The following PRKN variants were observed in gnomAD, a reference collection of about 807,000 sequenced individuals.
PRKN encodes E3 ubiquitin-protein ligase parkin.
In PRKN, 56 loss-of-function variants were observed where a neutral mutation model predicts 59.5. The observed-to-expected ratio is 0.94, with a 90% CI of 0.76 to 1.18. PRKN has a LOEUF of 1.18. PRKN is among the 50% of genes most tolerant of loss of function. The pLI, the probability that PRKN is intolerant of heterozygous loss-of-function variation, is 0.00. For missense variants in PRKN, 657 were observed against 596.4 expected (o/e 1.10, Z -1.06); for synonymous variants, 250 against 222.1 (o/e 1.13, Z -1.12).
At chr6:161,936,116 T>C (rs1204114604) in intron 6 of PRKN, among the ~76,000 whole-genome samples, 1 of 151,810 alleles carries the variant, frequency 6.6e-6, no homozygotes, top group Admixed American at 6.6e-5. Context: ...AGTACAATCC[T>C]GAAGACAAAG....
intron 4 of PRKN, among the ~76,000 whole-genome samples, chr6:162,129,002 A>C (rs976916722): frequency 1.3e-5 from 2 of 152,190 alleles, no homozygotes; most frequent in Admixed American, 6.6e-5. Flanking sequence ...AATTCACTTA[A>C]ATGGTAAATG....
intron 2 of PRKN, among the ~76,000 whole-genome samples, chr6:162,427,634 GTAAA>G (rs2128161517): frequency 6.6e-6 from 1 of 151,474 alleles, no homozygotes; most frequent in African/African-American, 2.4e-5. Context: ...TTATAGGCTG[GTAAA>G]TAAATGTTTT....
intron 6 of PRKN, among the ~76,000 whole-genome samples, chr6:161,827,754 C>G (rs573503207): frequency 6.6e-6 from 1 of 152,130 alleles, no homozygotes; most frequent in Non-Finnish European, 1.5e-5. Context: ...GTGATCCACC[C>G]ACCTTGGCCT....
chr6:161,901,423 C>T (rs887371366), intron 6 of PRKN, among the ~76,000 whole-genome samples: 5 of 152,084 alleles, frequency 3.3e-5, no homozygotes, highest in African/African-American at 1.2e-4. Context: ...CTCCTTCACC[C>T]CTGTGCCTGG....
intron 2 of PRKN, among the ~76,000 whole-genome samples, chr6:162,324,751 T>C (rs1483669525): frequency 2.6e-5 from 4 of 152,130 alleles, no homozygotes; most frequent in African/African-American, 9.7e-5. Context: ...TGTGTATATG[T>C]GTACGTATCT....
intron 5 of PRKN, among the ~76,000 whole-genome samples, chr6:161,997,052 G>A (rs893499799): frequency 2.0e-5 from 3 of 151,980 alleles, no homozygotes; most frequent in South Asian, 2.1e-4. Context: ...TTGCGTTCTC[G>A]AATGACAATA....
chr6:162,054,859 T>C (rs1777793432), intron 4 of PRKN, among the ~76,000 whole-genome samples: 1 of 152,188 alleles, frequency 6.6e-6, no homozygotes, highest in Admixed American at 6.5e-5. Context: ...CATAACTTTT[T>C]GACTAAATTT....
chr6:161,803,128 G>A (rs1791160153), intron 6 of PRKN, among the ~76,000 whole-genome samples: 1 of 152,190 alleles, frequency 6.6e-6, no homozygotes, highest in Non-Finnish European at 1.5e-5. Context: ...GGGTATGTAT[G>A]CCTTATCTTC....
At chr6:161,693,825 T>G (rs1299021241) in intron 7 of PRKN, among the ~76,000 whole-genome samples, 1 of 152,206 alleles carries the variant, frequency 6.6e-6, no homozygotes, top group Non-Finnish European at 1.5e-5. Context: ...TTCAAATGGA[T>G]AAATATTAGT....
intron 2 of PRKN, among the ~76,000 whole-genome samples, chr6:162,421,601 C>T (rs1788970817): frequency 6.6e-6 from 1 of 152,140 alleles, no homozygotes; most frequent in South Asian, 2.1e-4. Context: ...TGTCTATTAA[C>T]TCAGGATGGC....
chr6:161,869,092 G>A (rs1794236183), intron 6 of PRKN, among the ~76,000 whole-genome samples: 1 of 152,086 alleles, frequency 6.6e-6, no homozygotes, highest in Admixed American at 6.6e-5. Flanking sequence ...AAAATTAAAG[G>A]GGATAGCTGG....
rs1305367483 is a variant in PRKN at position 161,463,651 on chromosome 6, T to C, written c.1084-76774A>G. Among the ~76,000 whole-genome samples the C allele has an allele frequency of 2.0e-5, 3 of 152,184 alleles. No individual in the cohort carries two copies. The highest frequency in any genetic ancestry group is 4.4e-5 in the Non-Finnish European group (3 of 68,036). ...TTACAGGTAAAGGCCAAAGTTTTGATTCAGCATGAATGAGAAATTCAATGT... is the reference window on the plus strand; with the variant it reads ...TTACAGGTAAAGGCCAAAGTTTTGACTCAGCATGAATGAGAAATTCAATGT... On this transcript the variant is annotated intron_variant, in intron 9 of 11. Coordinates refer to ENST00000366898, the MANE Select transcript of PRKN (RefSeq NM_004562.3). This position sits in a 1 kb window ranked among gnomAD's most constrained non-coding sequence, Gnocchi z 4.8.
intron 7 of PRKN, among the ~76,000 whole-genome samples, chr6:161,619,716 C>T (rs1782823913): frequency 6.6e-6 from 1 of 152,128 alleles, no homozygotes; most frequent in African/African-American, 2.4e-5. Context: ...ACTGTACCCT[C>T]CAATATGGTA....
chr6:161,789,399 G>A lies in PRKN; in HGVS notation c.735-3491C>T, dbSNP rs371827134. 2.0e-3 allele frequency among the ~76,000 whole-genome samples: 299 copies of A among 152,100 alleles called. 1 individual carries two copies. The highest frequency in any genetic ancestry group is 7.0e-3 in the African/African-American group (290 of 41,492). On this transcript the variant is annotated intron_variant, in intron 6 of 11. Transcript: ENST00000366898. The stretch of plus-strand genomic sequence containing the variant: ...TCCATCCTGTTCTCTCCGCACCTCC[G>A]TCCCCTCCAGCTGGGAAGGTCCTTG...
intron 6 of PRKN, among the ~76,000 whole-genome samples, chr6:161,846,359 G>T (rs963226360): frequency 6.6e-6 from 1 of 152,092 alleles, no homozygotes; most frequent in African/African-American, 2.4e-5. Flanking sequence ...CAGGTAATAG[G>T]CTATTTTACA....
intron 7 of PRKN, among the ~76,000 whole-genome samples, chr6:161,601,423 T>C (rs1782099463): frequency 6.6e-6 from 1 of 152,126 alleles, no homozygotes; most frequent in Non-Finnish European, 1.5e-5. Flanking sequence ...CTCATGATCT[T>C]GTAACTCCCC....
chr6:161,537,459 CT>C (rs1294799822), intron 9 of PRKN, among the ~76,000 whole-genome samples: 23 of 142,966 alleles, frequency 1.6e-4, no homozygotes, highest in African/African-American at 3.3e-4. Flanking sequence ...TTTCTTTTTT[CT>C]TTTTTTTTTG....
Position 162,569,009 on chromosome 6 carries a change from G to A in PRKN, c.8-125536C>T, listed in dbSNP as rs1270190525. ...GGCAGCTGTATGAAGAGGAGACCTTGGAGCTGCAGTCCCAGATCTCGGACA... is the reference window on the plus strand; with the variant it reads ...GGCAGCTGTATGAAGAGGAGACCTTAGAGCTGCAGTCCCAGATCTCGGACA... On this transcript the variant is annotated intron_variant, in intron 1 of 11. Coordinates refer to ENST00000366898, the MANE Select transcript of PRKN (RefSeq NM_004562.3). 5 of 690,140 alleles carry A rather than the reference G, an allele frequency of 7.2e-6. No individual in the cohort carries two copies. In the East Asian group the frequency reaches 1.0e-4, roughly 14 times the overall value. The allele number at this position is 690,140 out of a possible 1,614,324, so 42.8% of individuals were successfully genotyped here.
At chr6:161,939,243 C>T (rs1419670093) in intron 6 of PRKN, among the ~76,000 whole-genome samples, 4 of 151,216 alleles carry the variant, frequency 2.6e-5, no homozygotes, top group African/African-American at 9.7e-5. Flanking sequence ...CATGGTGAAA[C>T]CCTGTCTCTA....
Sources: allele counts gnomAD v4.1 joint callset (sites outside exome capture counted in the v4.1 genomes callset), GRCh38; gene constraint gnomAD v4.1.1; non-coding constraint Gnocchi (gnomAD v3.1); transcripts MANE v1.5; gene names NCBI Gene and HGNC (gene_info 2026-07-23, HGNC 2026-07-21).